The following ZNF821 variants were observed in gnomAD, a reference collection of about 807,000 sequenced individuals.
ZNF821 encodes zinc finger protein 821.
A neutral mutation model predicts 44.3 loss-of-function variants in ZNF821; 16 were observed. The ratio of observed to expected loss-of-function variants is 0.36; its 90% CI spans 0.24 to 0.55. The LOEUF (loss-of-function observed/expected upper bound fraction) is 0.55. ZNF821 is among the 20% of genes least tolerant of loss of function. The pLI is 0.86. For missense variants in ZNF821, 436 were observed against 547.6 expected (o/e 0.80, Z 2.03); for synonymous variants, 204 against 197.6 (o/e 1.03, Z -0.27).
At chr16:71,894,678 G>A (rs2036928125) in intron 1 of ZNF821, 6 of 581,826 alleles carry the variant, frequency 1.0e-5, no homozygotes, top group Non-Finnish European at 1.5e-5. Context: ...AGTGCTCACT[G>A]CTGCTCCCCT....
intron 1 of ZNF821, 146 bp from the exon 2 acceptor site, chr16:71,883,419 T>C (rs2036632062): frequency 2.9e-6 from 1 of 347,550 alleles, no homozygotes; most frequent in Admixed American, 3.8e-5. Context: ...TTCCCAGGAA[T>C]TACCAGACAA....
rs1373462601 is a variant in ZNF821, at chr16:71,860,023, G to T, written c.1234C>A (p.His412Asn). 2 of 1,599,522 alleles carry T rather than the reference G, an allele frequency of 1.3e-6. No individual in the cohort carries two copies. The highest frequency in any genetic ancestry group is 2.3e-5 in the South Asian group (2 of 88,242). Residue 412 changes from histidine (H) to asparagine (N), a missense_variant, in exon 8 of 8, where the codon CAC becomes AAC. Coordinates refer to ENST00000425432, the MANE Select transcript of ZNF821 (RefSeq NM_001201552.2). This position sits in a 1 kb window ranked among gnomAD's most constrained non-coding sequence, Gnocchi z 7.3. ...GGCAGGCAGGAGGGTGTGGTTCAGT[G>T]CAGAGAGCTGCTGTTCTGCTCTTCA... ...AFEEQNSSSL[H>N]
chr16:71,882,546 A>G (rs568718594), intron 2 of ZNF821, among the ~76,000 whole-genome samples: 1 of 152,318 alleles, frequency 6.6e-6, no homozygotes, highest in African/African-American at 2.4e-5. Context: ...TGCGTATTTA[A>G]ATCAGCAATG....
rs1254578893 is a variant in ZNF821, at chr16:71,864,125, C to A, written c.417+13G>T. On this transcript the variant is annotated intron_variant, in intron 6 of 7. Transcript: ENST00000425432. ...CACTTGTGTTCCAGAGCACACAGCT[C>A]CCCCATCCATACCTGGTACACGTGA... 2 of 1,611,050 alleles carry A rather than the reference C, an allele frequency of 1.2e-6. No individual in the cohort carries two copies. Among genetic ancestry groups the A allele is most frequent in the Non-Finnish European group, 8.5e-7 (1 of 1,177,668 alleles).
At chr16:71,886,436 C>T (rs1272510690), upstream of ZNF821, among the ~76,000 whole-genome samples, 1 of 152,182 alleles carries the variant, frequency 6.6e-6, no homozygotes, top group Non-Finnish European at 1.5e-5. Flanking sequence ...ATCTAGAAGA[C>T]CTTTTAATTA....
rs1268556840 is a variant in ZNF821 at position 71,861,860 on chromosome 16, C to T, written c.500G>A (p.Arg167His). The change falls in exon 7 of 8, where the codon CGC (arginine) becomes CAC (histidine). Residue 167 changes from arginine to histidine, a missense_variant. By Grantham distance (29) the Arg-to-His change is conservative. Around this residue, in one of 5 missense-constraint regions of ZNF821, gnomAD observed 238 missense variants for 281.4 expected, o/e 0.85. Transcript: ENST00000425432. ...RALSSPGSLG[R>H]HLLIHSEDQR... Reference sequence around the variant, plus strand: ...GTCCTCCGAGTGGATTAAGAGGTGGCGACCCAATGACCCCGGGGAGCTAAG... The same window carrying T: ...GTCCTCCGAGTGGATTAAGAGGTGGTGACCCAATGACCCCGGGGAGCTAAG... 5 of 1,614,112 alleles carry T rather than the reference C, an allele frequency of 3.1e-6. No homozygotes were observed. Among genetic ancestry groups the T allele is most frequent in the Middle Eastern group, 1.7e-4 (1 of 6,060 alleles).
chr16:71,875,456 CTT>C (rs34382171), intron 3 of ZNF821, among the ~76,000 whole-genome samples: 13 of 133,910 alleles, frequency 9.7e-5, no homozygotes, highest in Admixed American at 1.5e-4. Flanking sequence ...TAATTTTTTT[CTT>C]TTTTTTTTTT....
intron 3 of ZNF821, among the ~76,000 whole-genome samples, chr16:71,875,804 G>A (rs2035751266): frequency 6.6e-6 from 1 of 152,088 alleles, no homozygotes; most frequent in Non-Finnish European, 1.5e-5. Context: ...TCACCATGTT[G>A]TCCAGGGTGG....
Position 71,860,341 on chromosome 16 carries a change from A to G in ZNF821, c.916T>C (p.Leu306=). 6.2e-7 allele frequency: 1 copy of G among 1,611,914 alleles called. No individual in the cohort carries two copies. Among genetic ancestry groups the G allele is most frequent in the African/African-American group, 1.3e-5 (1 of 75,012 alleles). Residue 306 remains leucine, a synonymous_variant, in exon 8 of 8, where the codon TTG becomes CTG. Transcript: ENST00000425432. This position sits in a 1 kb window ranked among gnomAD's most constrained non-coding sequence, Gnocchi z 7.3. The part of the protein sequence containing the change: ...RRMRDREAKR[L]QRMQETDEQR... ...TCGTCTGTCTCCTGCATGCGCTGCA[A>G]GCGCTTGGCTTCACGGTCCCTCATG...
At chr16:71,879,854 C>G in intron 3 of ZNF821, 53 bp downstream of exon 3, 1 of 1,556,318 alleles carries the variant, frequency 6.4e-7, no homozygotes, top group Non-Finnish European at 8.7e-7. Context: ...GGTTACTCTT[C>G]CATTCCACCC....
chr16:71,886,669 A>G (rs1408371836), upstream of ZNF821, among the ~76,000 whole-genome samples: 1 of 152,240 alleles, frequency 6.6e-6, no homozygotes, highest in Non-Finnish European at 1.5e-5. Context: ...AAATTAAGGT[A>G]TAATTCACAT....
At chr16:71,881,878 T>A (rs891044515) in intron 2 of ZNF821, 3 of 151,756 alleles carry the variant, frequency 2.0e-5, no homozygotes, top group Admixed American at 2.0e-4. Flanking sequence ...AGCTGAGGCA[T>A]GAGAATCGCT....
chr16:71,884,335 C>T (rs1444248811), upstream of ZNF821: 1 of 152,182 alleles, frequency 6.6e-6, no homozygotes, highest in South Asian at 2.1e-4. Context: ...AGCGCCCAAT[C>T]CCGGGCGCCC....
At chr16:71,890,569 T>C (rs2036879761) in intron 1 of ZNF821, 1 of 151,806 alleles carries the variant, frequency 6.6e-6, no homozygotes, top group Admixed American at 6.6e-5. Context: ...GTATTTTTAA[T>C]AGAGACAGAT....
chr16:71,864,589 G>C (rs1011571171), intron 5 of ZNF821, among the ~76,000 whole-genome samples: 3 of 152,234 alleles, frequency 2.0e-5, no homozygotes, highest in Non-Finnish European at 4.4e-5. Flanking sequence ...AGATTTGCAA[G>C]CACATTCAAG....
chr16:71,874,087 T>C (rs1407619202), intron 3 of ZNF821, among the ~76,000 whole-genome samples: 2 of 151,416 alleles, frequency 1.3e-5, no homozygotes, highest in Non-Finnish European at 2.9e-5. Flanking sequence ...GCCTCCCGAG[T>C]AGCTGGGATT....
chr16:71,862,104 AG>A (rs1031573166), intron 6 of ZNF821, among the ~76,000 whole-genome samples, 162 bp from the exon 7 acceptor site: 2 of 152,228 alleles, frequency 1.3e-5, no homozygotes, highest in Non-Finnish European at 1.5e-5. Flanking sequence ...CTTACATTAG[AG>A]GCCCTGGCCA....
At chr16:71,884,755 C>A (rs1341706730), upstream of ZNF821, 3 of 151,974 alleles carry the variant, frequency 2.0e-5, no homozygotes, top group African/African-American at 7.2e-5. Context: ...ACATGATTCT[C>A]AACTGATAAA....
At chr16:71,879,797 A>T in intron 3 of ZNF821, 110 bp downstream of exon 3, 2 of 1,084,360 alleles carry the variant, frequency 1.8e-6, no homozygotes, top group Non-Finnish European at 2.7e-6. Context: ...TTTTACATTT[A>T]AACTTTTCTT....
Sources: allele counts gnomAD v4.1 joint callset (sites outside exome capture counted in the v4.1 genomes callset), GRCh38; gene constraint gnomAD v4.1.1; regional missense constraint gnomAD v4.1.1; non-coding constraint Gnocchi (gnomAD v3.1); transcripts MANE v1.5; gene names NCBI Gene and HGNC (gene_info 2026-07-23, HGNC 2026-07-21).